Variants in NELL1 observed in about 807,000 individuals in gnomAD.
The protein encoded by NELL1 is protein kinase C-binding protein NELL1.
NELL1 carries 76 observed loss-of-function variants against 107.4 expected under a neutral mutation model. The ratio of observed to expected loss-of-function variants is 0.71; its 90% CI spans 0.59 to 0.86. The LOEUF is 0.86. NELL1 is among the 40% of genes least tolerant of loss of function. NELL1 has a pLI of 0.00. For synonymous variants in NELL1, 353 were observed against 341.2 expected, an observed-to-expected ratio of 1.03 and a Z score of -0.38; for missense variants, 1,024 against 1,005.5, an observed-to-expected ratio of 1.02 and a Z score of -0.25.
intron 2 of NELL1, among the ~76,000 whole-genome samples, chr11:20,755,474 C>T (rs904303370): frequency 6.6e-6 from 1 of 151,404 alleles, no homozygotes; most frequent in Admixed American, 6.6e-5. Context: ...GGTCTAACAC[C>T]TCAGCTGTAC....
intron 12 of NELL1, among the ~76,000 whole-genome samples, chr11:21,053,127 T>G (rs1236366278): frequency 6.6e-6 from 1 of 152,038 alleles, no homozygotes; most frequent in Non-Finnish European, 1.5e-5. Flanking sequence ...GACCCATTGT[T>G]TTTATTATTA....
intron 5 of NELL1, among the ~76,000 whole-genome samples, chr11:20,906,946 T>C (rs769203259): frequency 9.2e-5 from 14 of 152,042 alleles, no homozygotes; most frequent in Non-Finnish European, 2.1e-4. Context: ...GGCAAAGATA[T>C]CACCACTGCT....
intron 2 of NELL1, among the ~76,000 whole-genome samples, chr11:20,744,116 A>G (rs542898304): frequency 5.3e-5 from 8 of 152,274 alleles, no homozygotes; most frequent in African/African-American, 1.7e-4. Flanking sequence ...ATCTTATTCC[A>G]AGCTACTATC....
intron 12 of NELL1, among the ~76,000 whole-genome samples, chr11:21,088,872 G>C (rs775850207): frequency 6.6e-6 from 1 of 152,146 alleles, no homozygotes; most frequent in Non-Finnish European, 1.5e-5. Context: ...ACAGCTAAAG[G>C]TTGTTGGGGT....
At chr11:21,443,463 T>C (rs1853342680) in intron 15 of NELL1, among the ~76,000 whole-genome samples, 1 of 152,050 alleles carries the variant, frequency 6.6e-6, no homozygotes, top group Non-Finnish European at 1.5e-5. Flanking sequence ...ATTGAATGAG[T>C]GCAGGATGTT....
chr11:21,544,410 C>A (rs1006155776), intron 16 of NELL1, among the ~76,000 whole-genome samples: 5 of 151,572 alleles, frequency 3.3e-5, no homozygotes, highest in African/African-American at 7.3e-5. Context: ...AATATGGGGT[C>A]AATGCTATAA....
At chr11:21,170,705 TTA>T (rs71063689) in intron 13 of NELL1, among the ~76,000 whole-genome samples, 1,702 of 96,878 alleles carry the variant, frequency 0.018, 69 homozygotes, top group South Asian at 0.13. Context: ...ATATACTGTA[TTA>T]TATATATATA....
chr11:20,976,145 A>ATG (rs1454269496), intron 12 of NELL1, among the ~76,000 whole-genome samples: 1 of 103,856 alleles, frequency 9.6e-6, no homozygotes, highest in Non-Finnish European at 2.0e-5. Flanking sequence ...ATGTACACAC[A>ATG]TGTATATATA....
intron 15 of NELL1, among the ~76,000 whole-genome samples, chr11:21,530,663 C>T (rs1012032884): frequency 6.6e-6 from 1 of 151,832 alleles, no homozygotes; most frequent in Non-Finnish European, 1.5e-5. Flanking sequence ...CTATTTTGCC[C>T]ACTTAAAATA....
intron 13 of NELL1, among the ~76,000 whole-genome samples, chr11:21,137,481 G>T (rs1399600588): frequency 2.6e-5 from 4 of 152,208 alleles, no homozygotes; most frequent in Non-Finnish European, 5.9e-5. Flanking sequence ...GAGAATCATT[G>T]CTGTCTCTAA....
intron 14 of NELL1, among the ~76,000 whole-genome samples, chr11:21,338,497 A>G (rs1850487020): frequency 6.6e-6 from 1 of 152,154 alleles, no homozygotes; most frequent in Admixed American, 6.5e-5. Flanking sequence ...AGATCTATAA[A>G]TGTTCCTGAA....
chr11:20,910,482 C>T (rs1258656521), intron 5 of NELL1, among the ~76,000 whole-genome samples: 4 of 152,168 alleles, frequency 2.6e-5, no homozygotes, highest in Non-Finnish European at 4.4e-5. Flanking sequence ...TTTCCGGCCC[C>T]GCACTCACCA....
intron 15 of NELL1, among the ~76,000 whole-genome samples, chr11:21,394,655 G>A (rs1234838232): frequency 6.6e-6 from 1 of 151,320 alleles, no homozygotes; most frequent in African/African-American, 2.4e-5. Context: ...TTGATGATGG[G>A]TCTCTGGAAG....
At chr11:21,217,258 C>T (rs550122960) in intron 13 of NELL1, among the ~76,000 whole-genome samples, 1 of 152,202 alleles carries the variant, frequency 6.6e-6, no homozygotes, top group East Asian at 1.9e-4. Context: ...TTTACTTTAT[C>T]AATTATGCAG....
At chr11:21,438,069 G>A (rs912523566) in intron 15 of NELL1, among the ~76,000 whole-genome samples, 17 of 152,124 alleles carry the variant, frequency 1.1e-4, no homozygotes, top group African/African-American at 4.1e-4. Context: ...CTAACAGTGA[G>A]TTTTATACTT....
intron 2 of NELL1, among the ~76,000 whole-genome samples, chr11:20,692,181 C>T (rs528581784): frequency 0.012 from 1,847 of 151,498 alleles, 18 homozygotes; most frequent in Non-Finnish European, 0.02. Context: ...CTCTTTTTTT[C>T]TTTATTAGTC....
At chr11:20,866,117 G>A (rs1010279131) in intron 4 of NELL1, among the ~76,000 whole-genome samples, 1 of 152,140 alleles carries the variant, frequency 6.6e-6, no homozygotes, top group Non-Finnish European at 1.5e-5. Flanking sequence ...GTAATGTACT[G>A]TGCACAAAGG....
intron 3 of NELL1, among the ~76,000 whole-genome samples, chr11:20,820,042 G>A (rs1279008702): frequency 1.3e-5 from 2 of 152,136 alleles, no homozygotes; most frequent in African/African-American, 4.8e-5. Context: ...AATGGAACTT[G>A]GACCCTATAT....
intron 4 of NELL1, among the ~76,000 whole-genome samples, chr11:20,849,474 T>C (rs115395855): frequency 0.012 from 1,758 of 152,324 alleles, 31 homozygotes; most frequent in African/African-American, 0.04. Context: ...ATGTCCTTCA[T>C]GGAAACCATG....
Sources: gnomAD v4.1 joint callset for allele counts (sites outside exome capture counted in the v4.1 genomes callset) on GRCh38, gnomAD v4.1.1 for gene constraint, MANE v1.5 for transcripts, NCBI Gene and HGNC (gene_info 2026-07-23, HGNC 2026-07-21) for gene names.